Variants in MAP4K3 observed in about 807,000 individuals in gnomAD.
MAP4K3 encodes the protein MAPK/ERK kinase kinase kinase 3.
Under a neutral mutation model 143.5 loss-of-function variants are expected in MAP4K3, and 94 were observed. The ratio of observed to expected loss-of-function variants is 0.65; its 90% CI spans 0.55 to 0.78. MAP4K3 has a LOEUF of 0.78. MAP4K3 is among the 30% of genes least tolerant of loss of function. The pLI is 0.00. For synonymous variants in MAP4K3, 416 were observed against 347.2 expected (o/e 1.20, Z -2.20); for missense variants, 1,077 against 1,068.1 (o/e 1.01, Z -0.12).
At chr2:39,404,145 G>A (rs78029462) in intron 1 of MAP4K3, among the ~76,000 whole-genome samples, 1 of 152,026 alleles carries the variant, frequency 6.6e-6, no homozygotes, top group Non-Finnish European at 1.5e-5. Flanking sequence ...GAAAACCAGC[G>A]CATGCCCAGT....
At chr2:39,406,203 G>A (rs1258433286) in intron 1 of MAP4K3, among the ~76,000 whole-genome samples, 1 of 151,562 alleles carries the variant, frequency 6.6e-6, no homozygotes, top group Non-Finnish European at 1.5e-5. Flanking sequence ...GACAAAAAAA[G>A]AATTAAAAAA....
At chr2:39,357,846 A>G (rs555989950) in intron 2 of MAP4K3, among the ~76,000 whole-genome samples, 1 of 152,232 alleles carries the variant, frequency 6.6e-6, no homozygotes, top group Non-Finnish European at 1.5e-5. Context: ...TCAACCCAAA[A>G]TTATACTTTT....
At chr2:39,309,370 A>T (rs1450177585) in intron 14 of MAP4K3, 91 bp downstream of exon 14, 2 of 890,056 alleles carry the variant, frequency 2.2e-6, no homozygotes, top group East Asian at 5.6e-5. Context: ...AATATTAATG[A>T]CTAGCTTTTT....
In MAP4K3 at chr2:39,356,437, A is replaced by G. The variant is rs1665613184; in HGVS notation, c.155-98T>C. The G allele has an allele frequency of 7.4e-6, 5 of 675,434 alleles. No homozygotes were observed. In the South Asian group the frequency reaches 8.9e-5, roughly 12 times the overall value. 41.8% of individuals were successfully genotyped at this position (675,434 alleles called of 1,614,324 possible). A position where few individuals can be genotyped will look rare whatever the true frequency, so the allele number is the denominator to read the frequency against. On this transcript the variant is annotated intron_variant, in intron 2 of 33. Coordinates refer to ENST00000263881, the MANE Select transcript of MAP4K3 (RefSeq NM_003618.4). ...AAAATAATTATACGTATTAATAAGT[A>G]TAACATAATTAATGAGTTATAAATA...
intron 1 of MAP4K3, among the ~76,000 whole-genome samples, chr2:39,391,031 A>T (rs963861531): frequency 1.3e-5 from 2 of 152,134 alleles, no homozygotes; most frequent in Admixed American, 1.3e-4. Flanking sequence ...ATTCTGGAAA[A>T]AAAAGAGTTA....
At chr2:39,416,971 T>C (rs1332240284) in intron 1 of MAP4K3, among the ~76,000 whole-genome samples, 1 of 152,176 alleles carries the variant, frequency 6.6e-6, no homozygotes, top group African/African-American at 2.4e-5. Flanking sequence ...TCCTACAACA[T>C]AGCATGGATT....
chr2:39,353,972 C>T (rs1236254816), intron 3 of MAP4K3, among the ~76,000 whole-genome samples: 3 of 152,136 alleles, frequency 2.0e-5, no homozygotes, highest in African/African-American at 7.2e-5. Context: ...AGGTCTCAGA[C>T]CAGACAATCT....
At chr2:39,334,673 T>G (rs1471424531) in intron 6 of MAP4K3, among the ~76,000 whole-genome samples, 1 of 152,164 alleles carries the variant, frequency 6.6e-6, no homozygotes, top group East Asian at 1.9e-4. Context: ...TAGCTTATAA[T>G]CACATCACTT....
chr2:39,411,752 T>C (rs985683455), intron 1 of MAP4K3, among the ~76,000 whole-genome samples: 2 of 152,232 alleles, frequency 1.3e-5, no homozygotes, highest in Middle Eastern at 6.8e-3. Flanking sequence ...ACTGTGACTG[T>C]TAGCAATGAA....
intron 1 of MAP4K3, among the ~76,000 whole-genome samples, chr2:39,433,734 C>T (rs2148641175): frequency 6.6e-6 from 1 of 152,278 alleles, no homozygotes; most frequent in Non-Finnish European, 1.5e-5. Flanking sequence ...TCCTAGGTCC[C>T]TAGGTAACCC....
At chr2:39,428,860 G>A (rs1376334349) in intron 1 of MAP4K3, among the ~76,000 whole-genome samples, 1 of 151,574 alleles carries the variant, frequency 6.6e-6, no homozygotes, top group Non-Finnish European at 1.5e-5. Context: ...ACGAGGTCAA[G>A]AGTTCGAGAC....
chr2:39,345,921 CAAA>C (rs66729858), intron 3 of MAP4K3, among the ~76,000 whole-genome samples: 1 of 15,842 alleles, frequency 6.3e-5, no homozygotes, highest in African/African-American at 2.1e-4. Flanking sequence ...GACTCTGTCT[CAAA>C]AAAAAAAAAA....
chr2:39,309,754 T>A (rs918105434), intron 13 of MAP4K3, among the ~76,000 whole-genome samples: 29 of 151,554 alleles, frequency 1.9e-4, no homozygotes, highest in Non-Finnish European at 2.5e-4. Flanking sequence ...GAGACGGGGT[T>A]TCACCATGTT....
chr2:39,316,205 TCTAA>T (rs935473140), intron 12 of MAP4K3, among the ~76,000 whole-genome samples: 9 of 152,056 alleles, frequency 5.9e-5, no homozygotes, highest in South Asian at 2.1e-4. Context: ...ATTTACAGAG[TCTAA>T]CTAATTAAAT....
At chr2:39,408,908 T>C (rs1034631111) in intron 1 of MAP4K3, among the ~76,000 whole-genome samples, 11 of 152,210 alleles carry the variant, frequency 7.2e-5, no homozygotes, top group African/African-American at 1.9e-4. Flanking sequence ...GATCCTCCCA[T>C]GATACAGGCA....
chr2:39,253,192 C>G (rs922507506), intron 32 of MAP4K3, among the ~76,000 whole-genome samples: 1 of 152,102 alleles, frequency 6.6e-6, no homozygotes, highest in African/African-American at 2.4e-5. Flanking sequence ...AGTACAGTGA[C>G]GCGATCTTGG....
chr2:39,293,231 G>A lies in MAP4K3; in HGVS notation c.1216C>T (p.Arg406Ter), dbSNP rs1034102368. The A allele has an allele frequency of 7.1e-6, 11 of 1,546,320 alleles. No homozygotes were observed. The highest frequency in any genetic ancestry group is 3.9e-5 in the Admixed American group (2 of 50,888). ...LKSVEEELHQ[R>*]GHVAHLEDDE... is the part of the protein sequence containing the mutation. ...TTTAAGATTAAAAATTAAAATTACC[G>A]CTGATGCAATTCTTCTTCAACAGAC... is the stretch of plus-strand genomic sequence containing the variant. The change falls in exon 17 of 34, where the codon CGA becomes TGA. Residue 406 changes from arginine (R) to a stop codon, truncating the protein, a stop_gained and splice_region_variant. Transcript: ENST00000263881. LOFTEE classifies it high-confidence loss of function.
chr2:39,361,632 G>C (rs1665773384), intron 2 of MAP4K3, among the ~76,000 whole-genome samples: 2 of 151,066 alleles, frequency 1.3e-5, no homozygotes, highest in African/African-American at 4.9e-5. Context: ...AAACCCATAG[G>C]CTCCATACAA....
At chr2:39,351,298 T>C (rs1665450745) in intron 3 of MAP4K3, among the ~76,000 whole-genome samples, 1 of 152,234 alleles carries the variant, frequency 6.6e-6, no homozygotes, top group Admixed American at 6.5e-5. Flanking sequence ...TACACATAAA[T>C]ATCTACCAAT....
Sources: gnomAD v4.1 joint callset for allele counts (sites outside exome capture counted in the v4.1 genomes callset) on GRCh38, gnomAD v4.1.1 for gene constraint, MANE v1.5 for transcripts, NCBI Gene and HGNC (gene_info 2026-07-23, HGNC 2026-07-21) for gene names.